Variants in SLC45A2 observed in about 807,000 individuals in gnomAD.
SLC45A2 encodes the protein solute carrier family 45 member 2.
Under a neutral mutation model 45.5 loss-of-function variants are expected in SLC45A2, and 36 were observed. The ratio of observed to expected loss-of-function variants is 0.79; its 90% CI spans 0.61 to 1.04. The LOEUF (loss-of-function observed/expected upper bound fraction) is 1.04, where lower values mean the gene tolerates loss of function less well. Among genes scored for constraint, SLC45A2 ranks in the 50% least tolerant of loss-of-function variants. The pLI, the probability that SLC45A2 is intolerant of heterozygous loss-of-function variation, is 0.00. For synonymous variants in SLC45A2, 306 were observed against 269.3 expected, an observed-to-expected ratio of 1.14 and a Z score of -1.33; for missense variants, 719 against 671.0, an observed-to-expected ratio of 1.07 and a Z score of -0.79.
chr5:33,974,614 G>T (rs1752872147), intron 2 of SLC45A2, among the ~76,000 whole-genome samples: 1 of 152,168 alleles, frequency 6.6e-6, no homozygotes. Flanking sequence ...TTTGTCAAGG[G>T]CATGTAAATT....
At position 33,947,178 on chromosome 5, in the gene SLC45A2, G is replaced by A. The variant is rs750872312; in HGVS notation, c.1353C>T (p.Arg451=). The part of the protein sequence containing the change: ...VPFNLITEYH[R]EEEKERQQAP... ...GACAGCACACCTCCTTTTCTTCCTC[G>A]CGGTGGTACTCAGTAATGAGGTTAA... The change falls in exon 6 of 7, where the codon CGC becomes CGT. Residue 451 remains arginine, a synonymous_variant. Transcript: ENST00000296589. 44 of 1,614,128 alleles carry A rather than the reference G, an allele frequency of 2.7e-5. 1 individual carries two copies. In the South Asian group the frequency reaches 3.1e-4, roughly 11 times the overall value.
At chr5:33,969,042 C>A (rs1752691427) in intron 2 of SLC45A2, among the ~76,000 whole-genome samples, 1 of 37,386 alleles carries the variant, frequency 2.7e-5, no homozygotes, top group South Asian at 1.9e-3. Context: ...TAAGTACCAG[C>A]TACTCTCTCT....
intron 2 of SLC45A2, among the ~76,000 whole-genome samples, chr5:33,973,854 G>C (rs1752852292): frequency 2.1e-5 from 1 of 48,146 alleles, no homozygotes; most frequent in African/African-American, 4.2e-5. Context: ...TGCTGTGCCT[G>C]TGACCCTTGC....
intron 3 of SLC45A2, among the ~76,000 whole-genome samples, chr5:33,958,874 C>A (rs147975995): frequency 1.9e-4 from 29 of 152,284 alleles, no homozygotes; most frequent in Non-Finnish European, 3.7e-4. Flanking sequence ...GATGGGACGA[C>A]CCCTGTCCTA....
intron 3 of SLC45A2, among the ~76,000 whole-genome samples, chr5:33,955,548 A>G (rs1457135733): frequency 6.6e-6 from 1 of 152,194 alleles, no homozygotes; most frequent in Non-Finnish European, 1.5e-5. Flanking sequence ...CTCCCAGGTT[A>G]TATCTCTGAA....
In SLC45A2 at chr5:33,952,106, CT is replaced by C. The variant is rs138828278; in HGVS notation, c.1033-430del. Among the ~76,000 whole-genome samples the C allele has an allele frequency of 6.4e-3, 970 of 152,180 alleles. 11 individuals are homozygous for C. Among genetic ancestry groups the C allele is most frequent in the African/African-American group, 0.023 (943 of 41,512 alleles). On this transcript the variant is annotated intron_variant, in intron 4 of 6. Coordinates refer to ENST00000296589, the MANE Select transcript of SLC45A2 (RefSeq NM_016180.5). The stretch of plus-strand genomic sequence containing the variant: ...CAAGGCCCAGACCATACTGCACCTC[CT>C]TTTTTATGTGTATTTATTATCATAT...
chr5:33,971,033 A>G, intron 2 of SLC45A2: 1 of 499,370 alleles, frequency 2.0e-6, no homozygotes. Context: ...GCAGATTGTG[A>G]GTAACATGCT....
chr5:33,951,804 G>A, intron 4 of SLC45A2, 127 bp from the exon 5 acceptor site: 1 of 1,154,186 alleles, frequency 8.7e-7, no homozygotes, highest in Admixed American at 1.7e-5. Flanking sequence ...AGAGTACAGA[G>A]CTGATGCTGT....
intron 2 of SLC45A2, among the ~76,000 whole-genome samples, chr5:33,977,175 C>T (rs546685418): frequency 6.6e-6 from 1 of 152,324 alleles, no homozygotes; most frequent in Admixed American, 6.5e-5. Context: ...TGTCTGCCAG[C>T]CAGGAAGAGA....
intron 2 of SLC45A2, among the ~76,000 whole-genome samples, chr5:33,969,050 T>TC (rs1374414254): frequency 1.1e-5 from 1 of 91,906 alleles, no homozygotes; most frequent in Non-Finnish European, 2.5e-5. Context: ...AGCTACTCTC[T>TC]CTCTCTCTCT....
At chr5:33,980,267 GAA>G (rs33933110) in intron 2 of SLC45A2, among the ~76,000 whole-genome samples, 1,597 of 147,738 alleles carry the variant, frequency 0.011, 21 homozygotes, top group African/African-American at 0.033. Context: ...GGCTTTCCAA[GAA>G]AAAAAAAAAA....
chr5:33,956,102 A>G (rs1454525051), intron 3 of SLC45A2, among the ~76,000 whole-genome samples: 1 of 152,204 alleles, frequency 6.6e-6, no homozygotes, highest in African/African-American at 2.4e-5. Flanking sequence ...CTAATTGAAG[A>G]GGACTGACAA....
At chr5:33,980,593 C>G (rs1245929650) in intron 2 of SLC45A2, among the ~76,000 whole-genome samples, 1 of 152,156 alleles carries the variant, frequency 6.6e-6, no homozygotes, top group Non-Finnish European at 1.5e-5. Context: ...TTACTGAGCA[C>G]CTACTATGCA....
At position 33,950,677 on chromosome 5, in the gene SLC45A2, C is replaced by T. The variant is rs571170893; in HGVS notation, c.1156+877G>A. On this transcript the variant is annotated intron_variant, in intron 5 of 6. Transcript: ENST00000296589. ...CCTGAGAATGGTAACAGGGATTCTC[C>T]CCATCTCTTCCCACTTCCTTCACCT... 3.3e-5 allele frequency among the ~76,000 whole-genome samples: 5 copies of T among 152,294 alleles called. No homozygotes were observed. The East Asian group carries it at 9.6e-4, about 29-fold the overall frequency.
chr5:33,966,321 T>C (rs1333369273), intron 2 of SLC45A2, among the ~76,000 whole-genome samples: 2 of 151,962 alleles, frequency 1.3e-5, no homozygotes, highest in African/African-American at 4.8e-5. Flanking sequence ...TGTAAATGAC[T>C]CTACAAACTT....
At chr5:33,954,306 G>T in intron 4 of SLC45A2, 55 bp downstream of exon 4, 1 of 1,611,222 alleles carries the variant, frequency 6.2e-7, no homozygotes, top group East Asian at 2.2e-5. Context: ...CTCAACAGGT[G>T]TTAATGGAGG....
chr5:33,953,471 T>C (rs1343324950), intron 4 of SLC45A2, among the ~76,000 whole-genome samples: 1 of 151,890 alleles, frequency 6.6e-6, no homozygotes, highest in Non-Finnish European at 1.5e-5. Flanking sequence ...CTTCATGTGT[T>C]TTTTGGCTGC....
At chr5:33,957,284 A>G (rs1193385978) in intron 3 of SLC45A2, among the ~76,000 whole-genome samples, 2 of 152,202 alleles carry the variant, frequency 1.3e-5, no homozygotes, top group Non-Finnish European at 2.9e-5. Context: ...GAATCACGAC[A>G]TTGAGTACTG....
intron 3 of SLC45A2, among the ~76,000 whole-genome samples, chr5:33,956,658 T>A (rs778163440): frequency 6.6e-5 from 10 of 152,206 alleles, no homozygotes. Flanking sequence ...AATGTTGTGA[T>A]AATTTTGATG....
Sources: gnomAD v4.1 joint callset for allele counts (sites outside exome capture counted in the v4.1 genomes callset) on GRCh38, gnomAD v4.1.1 for gene constraint, MANE v1.5 for transcripts, NCBI Gene and HGNC (gene_info 2026-07-23, HGNC 2026-07-21) for gene names.